WASL: variants seen among roughly 807,000 people sequenced by gnomAD.
WASL encodes actin nucleation-promoting factor WASL.
WASL carries 20 observed loss-of-function variants against 55.5 expected under a neutral mutation model. The ratio of observed to expected loss-of-function variants is 0.36; its 90% CI spans 0.25 to 0.52. The LOEUF (loss-of-function observed/expected upper bound fraction) is 0.52. Ranked by LOEUF, WASL falls within the 20% of genes least tolerant of loss-of-function variation. The probability of loss-of-function intolerance (pLI) is 0.92; values close to 1 mark genes in which losing one functional copy is unlikely to be tolerated. For synonymous variants in WASL, 249 were observed against 217.6 expected (o/e 1.14, Z -1.27); for missense variants, 504 against 622.5 (o/e 0.81, Z 2.03).
At chr7:123,714,390 A>C (rs1803805257) in intron 1 of WASL, among the ~76,000 whole-genome samples, 1 of 152,176 alleles carries the variant, frequency 6.6e-6, no homozygotes, top group African/African-American at 2.4e-5. Flanking sequence ...CGTTTTAAAA[A>C]GAATATGGCA....
intron 2 of WASL, 67 bp from the exon 3 acceptor site, chr7:123,706,893 G>A: frequency 1.1e-6 from 1 of 951,418 alleles, no homozygotes. Context: ...AAACAAAGAA[G>A]ATGACTCATA....
chr7:123,735,004 C>T (rs1319728284), intron 1 of WASL, among the ~76,000 whole-genome samples: 2 of 151,766 alleles, frequency 1.3e-5, no homozygotes, highest in Non-Finnish European at 2.9e-5. Flanking sequence ...ATGCCAGCTA[C>T]CTATATTGAG....
intron 1 of WASL, among the ~76,000 whole-genome samples, chr7:123,723,543 G>C (rs763553081): frequency 6.6e-6 from 1 of 152,168 alleles, no homozygotes; most frequent in Non-Finnish European, 1.5e-5. Flanking sequence ...TACCTTGCCA[G>C]TACCACCCAT....
At chr7:123,690,902 T>C (rs538535110) in intron 9 of WASL, among the ~76,000 whole-genome samples, 1 of 152,226 alleles carries the variant, frequency 6.6e-6, no homozygotes, top group East Asian at 1.9e-4. Context: ...TGTGGTCATT[T>C]TGACATTAAT....
At chr7:123,734,838 G>T (rs1241923678) in intron 1 of WASL, among the ~76,000 whole-genome samples, 2 of 151,952 alleles carry the variant, frequency 1.3e-5, no homozygotes, top group Admixed American at 6.6e-5. Flanking sequence ...ATCATCAATT[G>T]TAACAAATTT....
chr7:123,726,431 C>T (rs781437980), intron 1 of WASL, among the ~76,000 whole-genome samples: 1 of 152,034 alleles, frequency 6.6e-6, no homozygotes, highest in Non-Finnish European at 1.5e-5. Flanking sequence ...CTAGAAGCAG[C>T]AGAAGACTGT....
At chr7:123,700,932 A>C (rs867743981) in intron 5 of WASL, among the ~76,000 whole-genome samples, 16 of 152,354 alleles carry the variant, frequency 1.1e-4, no homozygotes, top group Middle Eastern at 3.4e-3. Flanking sequence ...ATTTCTATAC[A>C]TTCAAGAGGT....
chr7:123,738,233 G>T (rs1804271350), intron 1 of WASL, among the ~76,000 whole-genome samples: 2 of 151,924 alleles, frequency 1.3e-5, no homozygotes, highest in Non-Finnish European at 2.9e-5. Flanking sequence ...GGATGCAACA[G>T]ATATAAACAT....
chr7:123,732,659 AAGC>A (rs1393023551), intron 1 of WASL, among the ~76,000 whole-genome samples: 2 of 152,230 alleles, frequency 1.3e-5, no homozygotes, highest in Non-Finnish European at 2.9e-5. Flanking sequence ...CCAGAAATAG[AAGC>A]AGAAGGACTA....
chr7:123,689,226 C>A, intron 9 of WASL, 76 bp from the exon 10 acceptor site: 1 of 1,153,352 alleles, frequency 8.7e-7, no homozygotes, highest in South Asian at 1.3e-5. Context: ...GTCCTACTTT[C>A]TTAGAATCAC....
rs200858194 is a variant in WASL at position 123,684,508 on chromosome 7, T to A, written c.*11A>T. 9.3e-6 allele frequency: 6 copies of A among 645,356 alleles called. No individual in the cohort carries two copies. The highest frequency in any genetic ancestry group is 6.0e-5 in the African/African-American group (3 of 50,154). 40.0% of individuals were successfully genotyped at this position (645,356 alleles called of 1,614,324 possible). On this transcript the variant is annotated 3_prime_UTR_variant, in exon 11 of 11. Transcript: ENST00000223023. ...CACCTTAAAAATATATATATATATA[T>A]AATATATAGATCAGTCTTCCCACTC... is the stretch of plus-strand genomic sequence containing the variant.
At chr7:123,712,253 T>C (rs2215555) in intron 1 of WASL, among the ~76,000 whole-genome samples, 14,981 of 152,148 alleles carry the variant, frequency 0.098, 902 homozygotes, top group Non-Finnish European at 0.13. Flanking sequence ...ATTTTCTGTA[T>C]TGATTTCCTA....
intron 1 of WASL, among the ~76,000 whole-genome samples, chr7:123,717,146 G>A (rs1803859251): frequency 6.6e-6 from 1 of 152,044 alleles, no homozygotes; most frequent in Non-Finnish European, 1.5e-5. Flanking sequence ...GGGAGGGAGA[G>A]TTTGTGGTAG....
At chr7:123,748,037 G>A (rs774678434) in intron 1 of WASL, among the ~76,000 whole-genome samples, 1 of 152,006 alleles carries the variant, frequency 6.6e-6, no homozygotes, top group Non-Finnish European at 1.5e-5. Flanking sequence ...AAGGTTGCTA[G>A]AGAAATAAAT....
intron 1 of WASL, among the ~76,000 whole-genome samples, chr7:123,729,111 T>C (rs1311189870): frequency 6.6e-6 from 1 of 152,178 alleles, no homozygotes; most frequent in African/African-American, 2.4e-5. Flanking sequence ...CTGTTGGAAA[T>C]ATAATGCAAG....
chr7:123,683,451 G>A lies in WASL; in HGVS notation c.*1068C>T, dbSNP rs191800655. The A allele has an allele frequency of 9.2e-5, 14 of 151,478 alleles. No individual in the cohort carries two copies. Among genetic ancestry groups the A allele is most frequent in the African/African-American group, 3.1e-4 (13 of 41,354 alleles). The allele number at this position is 151,478 out of a possible 1,614,324, so 9.4% of individuals were successfully genotyped here. ...GGACCACCAATCTTTTAAGAAAAAT[G>A]TAACTCTTCACATGCTATTTGACAA... On this transcript the variant is annotated 3_prime_UTR_variant, in exon 11 of 11. Coordinates refer to ENST00000223023, the MANE Select transcript of WASL (RefSeq NM_003941.4).
At chr7:123,702,212 T>G (rs577648029) in intron 5 of WASL, among the ~76,000 whole-genome samples, 2 of 152,004 alleles carry the variant, frequency 1.3e-5, no homozygotes, top group African/African-American at 4.8e-5. Context: ...TGCGCCACCA[T>G]GCCCAGCTAA....
intron 5 of WASL, among the ~76,000 whole-genome samples, chr7:123,701,569 T>C (rs530812514): frequency 6.6e-6 from 1 of 152,346 alleles, no homozygotes; most frequent in African/African-American, 2.4e-5. Context: ...TAGGAATGTA[T>C]GTAAATTCTA....
At chr7:123,731,964 A>G (rs1384773650) in intron 1 of WASL, among the ~76,000 whole-genome samples, 2 of 152,204 alleles carry the variant, frequency 1.3e-5, no homozygotes, top group African/African-American at 4.8e-5. Flanking sequence ...ATGAAAGTCA[A>G]TAAAACTGAC....
Sources: allele counts gnomAD v4.1 joint callset (sites outside exome capture counted in the v4.1 genomes callset), GRCh38; gene constraint gnomAD v4.1.1; transcripts MANE v1.5; gene names NCBI Gene and HGNC (gene_info 2026-07-23, HGNC 2026-07-21).